The following C1R variants were observed in gnomAD, a reference collection of about 807,000 sequenced individuals.
The protein encoded by C1R is complement C1r subcomponent.
C1R carries 15 observed loss-of-function variants against 27.6 expected under a neutral mutation model. The observed-to-expected ratio is 0.54, with a 90% CI of 0.36 to 0.84. The LOEUF (loss-of-function observed/expected upper bound fraction) is 0.84, where lower values mean the gene tolerates loss of function less well. Ranked by LOEUF, C1R falls within the 40% of genes least tolerant of loss-of-function variation. The probability of loss-of-function intolerance (pLI) is 0.01; values close to 1 mark genes in which losing one functional copy is unlikely to be tolerated. For missense variants in C1R, 544 were observed against 577.9 expected, an observed-to-expected ratio of 0.94 and a Z score of 0.60; for synonymous variants, 253 against 228.8, an observed-to-expected ratio of 1.11 and a Z score of -0.95.
intron 1 of C1R, 26 bp downstream of exon 1, chr12:7,092,361 C>T: frequency 2.6e-6 from 2 of 780,862 alleles, no homozygotes; most frequent in Admixed American, 1.7e-5. Flanking sequence ...CTCCCTCCCA[C>T]CTGGTTGCCC....
Position 7,092,000 on chromosome 12 carries a change from T to A in C1R, c.3-320A>T, listed in dbSNP as rs1484369752. 1.1e-5 allele frequency: 6 copies of A among 566,676 alleles called. No individual in the cohort carries two copies. The highest frequency in any genetic ancestry group is 6.3e-5 in the East Asian group (2 of 31,746). 35.1% of individuals were successfully genotyped at this position (566,676 alleles called of 1,614,324 possible). ...AGGAATAGGACTGGCTTGGGACCAG[T>A]TAATGGAGGGTGAGGGTTTCCACCC... is the stretch of plus-strand genomic sequence containing the variant. On this transcript the variant is annotated intron_variant, in intron 1 of 10. Coordinates refer to ENST00000647956, the MANE Select transcript of C1R (RefSeq NM_001733.7). The surrounding 1 kb of genome is among the most constrained non-coding windows in gnomAD (Gnocchi z 5.1).
At chr12:7,086,544 A>T in intron 7 of C1R, 87 bp from the exon 8 acceptor site, 1 of 396,622 alleles carries the variant, frequency 2.5e-6, no homozygotes, top group Non-Finnish European at 4.4e-6. Context: ...GTGGGAGGCA[A>T]TACCAAGACA....
At chr12:7,081,990 T>G in intron 10 of C1R, 42 bp downstream of exon 10, 1 of 1,519,066 alleles carries the variant, frequency 6.6e-7, no homozygotes, top group African/African-American at 1.4e-5. Context: ...CCCTGCAGGC[T>G]GCTAAAGACC....
intron 9 of C1R, among the ~76,000 whole-genome samples, chr12:7,082,577 T>G (rs1226560852): frequency 1.3e-5 from 2 of 152,138 alleles, no homozygotes; most frequent in Non-Finnish European, 2.9e-5. Flanking sequence ...GTGATCCACC[T>G]GCCTCGGTCT....
chr12:7,088,276 T>A (rs1423745771), intron 7 of C1R, among the ~76,000 whole-genome samples: 1 of 152,226 alleles, frequency 6.6e-6, no homozygotes, highest in Non-Finnish European at 1.5e-5. Context: ...CTACTCTAGA[T>A]CAATGGAATC....
intron 1 of C1R, 105 bp downstream of exon 1, chr12:7,092,282 T>C (rs1332085567): frequency 9.1e-6 from 7 of 769,902 alleles, no homozygotes; most frequent in Non-Finnish European, 1.7e-5. Flanking sequence ...ACTGATGAGG[T>C]GTGTGAAGAG....
chr12:7,080,667 C>T lies in C1R; in HGVS notation c.1983G>A (p.Arg661=), dbSNP rs760413407. Residue 661 remains arginine (R), a synonymous_variant, in exon 11 of 11, where the codon AGG becomes AGA. Coordinates refer to ENST00000647956, the MANE Select transcript of C1R (RefSeq NM_001733.7). The surrounding 1 kb of genome is among the most constrained non-coding windows in gnomAD (Gnocchi z 4.9). ...CCACCCAGCGATCAGTGTTCGGGTC[C>T]CTTACTGCAAAAACGCCCCCACTAT... ...QGDSGGVFAV[R]DPNTDRWVAT... 1 of 1,613,764 alleles carries T rather than the reference C, an allele frequency of 6.2e-7. No homozygotes were observed. The highest frequency in any genetic ancestry group is 1.3e-5 in the African/African-American group (1 of 74,874).
chr12:7,090,355 C>G, intron 2 of C1R, 107 bp from the exon 3 acceptor site: 1 of 627,992 alleles, frequency 1.6e-6, no homozygotes, highest in Middle Eastern at 4.2e-4. Context: ...TCATGCACCA[C>G]AATGGCTCTG....
chr12:7,089,820 C>T (rs1216020708), intron 3 of C1R, 87 bp from the exon 4 acceptor site: 2 of 731,506 alleles, frequency 2.7e-6, no homozygotes, highest in Admixed American at 1.9e-5. Context: ...TCACCAGAGA[C>T]CTAAAGACAA....
intron 9 of C1R, among the ~76,000 whole-genome samples, chr12:7,082,418 G>A (rs1285471998): frequency 2.0e-5 from 3 of 151,892 alleles, no homozygotes; most frequent in Non-Finnish European, 4.4e-5. Context: ...TGCAAGCTCC[G>A]TCTCCCAGGT....
chr12:7,088,757 T>C, intron 6 of C1R, 26 bp from the exon 7 acceptor site: 2 of 777,028 alleles, frequency 2.6e-6, no homozygotes, highest in Middle Eastern at 4.5e-4. Flanking sequence ...GGGGGCATAT[T>C]TATTTCAGAG....
Position 7,091,876 on chromosome 12 carries a change from C to T in C1R, c.3-196G>A. ...CCTGTGCAGCTGCTGCATCGGGTCA[C>T]TCTCCAGGGCAGTGTCCAGTCCAGA... On this transcript the variant is annotated intron_variant, in intron 1 of 10. Transcript: ENST00000647956. The surrounding 1 kb of genome is among the most constrained non-coding windows in gnomAD (Gnocchi z 5.1). 1.4e-6 allele frequency: 1 copy of T among 694,176 alleles called. No individual in the cohort carries two copies. Among genetic ancestry groups the T allele is most frequent in the South Asian group, 1.5e-5 (1 of 66,612 alleles). 43.0% of individuals were successfully genotyped at this position (694,176 alleles called of 1,614,324 possible).
rs757805407 is a variant in C1R, at chr12:7,091,947, C to T, written c.3-267G>A. The T allele has an allele frequency of 7.9e-6, 5 of 632,548 alleles. No homozygotes were observed. The highest frequency in any genetic ancestry group is 1.6e-5 in the South Asian group (1 of 60,666). The allele number at this position is 632,548 out of a possible 1,614,324, so 39.2% of individuals were successfully genotyped here. A position where few individuals can be genotyped will look rare whatever the true frequency, so the allele number is the denominator to read the frequency against. ...ACTCCCTTTCCAGCCTCCTCCCCTG[C>T]CCGGACGCGTCCCTCCCCTCCCCTT... On this transcript the variant is annotated intron_variant, in intron 1 of 10. Coordinates refer to ENST00000647956, the MANE Select transcript of C1R (RefSeq NM_001733.7). This position sits in a 1 kb window ranked among gnomAD's most constrained non-coding sequence, Gnocchi z 5.1.
Position 7,080,613 on chromosome 12 carries a change from C to A in C1R, c.2037G>T (p.Gly679=). ...VATGIVSWGI[G]CSRGYGFYTK... is the part of the protein sequence containing the mutation. ...TGTAGAAGCCATAGCCCCTGCTGCA[C>A]CCGATGCCCCAGGACACGATGCCCG... Residue 679 remains glycine (G), a synonymous_variant, in exon 11 of 11, where the codon GGG becomes GGT. Transcript: ENST00000647956. This position sits in a 1 kb window ranked among gnomAD's most constrained non-coding sequence, Gnocchi z 4.9. 6.2e-7 allele frequency: 1 copy of A among 1,613,472 alleles called. No homozygotes were observed. The highest frequency in any genetic ancestry group is 1.3e-5 in the African/African-American group (1 of 75,008).
At position 7,080,379 on chromosome 12, in the gene C1R, C is replaced by G; in HGVS notation, c.*153G>C. On this transcript the variant is annotated 3_prime_UTR_variant, in exon 11 of 11. Transcript: ENST00000647956. This position sits in a 1 kb window ranked among gnomAD's most constrained non-coding sequence, Gnocchi z 4.9. ...TTGGGTTGTTTCAGGTAAAGTACAT[C>G]AATGGGACTACAGGAAAGAGAATTT... 7.2e-7 allele frequency: 1 copy of G among 1,383,502 alleles called. No individual in the cohort carries two copies. Among genetic ancestry groups the G allele is most frequent in the Non-Finnish European group, 9.3e-7 (1 of 1,072,344 alleles). The allele number at this position is 1,383,502 out of a possible 1,614,324, so 85.7% of individuals were successfully genotyped here. A position where few individuals can be genotyped will look rare whatever the true frequency, so the allele number is the denominator to read the frequency against.
At position 7,090,230 on chromosome 12, in the gene C1R, T is replaced by C. The variant is rs774793614; in HGVS notation, c.250A>G (p.Ser84Gly). 4 of 736,200 alleles carry C rather than the reference T, an allele frequency of 5.4e-6. No individual in the cohort carries two copies. The highest frequency in any genetic ancestry group is 7.6e-6 in the Non-Finnish European group (3 of 393,894). 45.6% of individuals were successfully genotyped at this position (736,200 alleles called of 1,614,324 possible). The change falls in exon 3 of 11, where the codon AGC becomes GGC. Residue 84 changes from serine to glycine, a missense_variant. By Grantham distance (56) the Ser-to-Gly change is moderately conservative. This residue lies in a region of C1R where 291 missense variants were observed against 209.0 expected (regional missense o/e 1.39). Coordinates refer to ENST00000647956, the MANE Select transcript of C1R (RefSeq NM_001733.7). The part of the protein sequence containing the change: ...DYVKISADKK[S>G]LGRFCGQLGS... Reference sequence around the variant, plus strand: ...AGTTGCCCACAGAACCTCCCCAGGCTTTTCTTATCAGCAGAGATCTGGTGG... The same window carrying C: ...AGTTGCCCACAGAACCTCCCCAGGCCTTTCTTATCAGCAGAGATCTGGTGG...
chr12:7,087,745 A>G (rs1938177585), intron 7 of C1R: 1 of 154,404 alleles, frequency 6.5e-6, no homozygotes, highest in Non-Finnish European at 1.5e-5. Context: ...CTGTGTGACT[A>G]TGTGGGTTTC....
chr12:7,082,400 C>T (rs940240786), intron 9 of C1R, among the ~76,000 whole-genome samples: 2 of 152,014 alleles, frequency 1.3e-5, no homozygotes, highest in African/African-American at 2.4e-5. Context: ...GGCGCAATCT[C>T]GGCTTACTGC....
Position 7,091,393 on chromosome 12 carries a change from A to G in C1R, c.231+59T>C, listed in dbSNP as rs1938269767. On this transcript the variant is annotated intron_variant, in intron 2 of 10. Transcript: ENST00000647956. The surrounding 1 kb of genome is among the most constrained non-coding windows in gnomAD (Gnocchi z 5.1). Reference sequence around the variant, plus strand: ...GTCTGGGGGTGTGCATGCCATACAGATCCCAGATCCCAGAGGGCCCAGTTT... The same window carrying G: ...GTCTGGGGGTGTGCATGCCATACAGGTCCCAGATCCCAGAGGGCCCAGTTT... 1 of 710,778 alleles carries G rather than the reference A, an allele frequency of 1.4e-6. No individual in the cohort carries two copies. Among genetic ancestry groups the G allele is most frequent in the African/African-American group, 1.8e-5 (1 of 56,532 alleles). 44.0% of individuals were successfully genotyped at this position (710,778 alleles called of 1,614,324 possible). A position where few individuals can be genotyped will look rare whatever the true frequency, so the allele number is the denominator to read the frequency against.
Sources: gnomAD v4.1 joint callset for allele counts (sites outside exome capture counted in the v4.1 genomes callset) on GRCh38, gnomAD v4.1.1 for gene constraint, gnomAD v4.1.1 regional missense constraint, Gnocchi (gnomAD v3.1) non-coding constraint, MANE v1.5 for transcripts, NCBI Gene and HGNC (gene_info 2026-07-23, HGNC 2026-07-21) for gene names.